Variants in PDXDC1 observed in about 807,000 individuals in gnomAD.
The protein encoded by PDXDC1 is pyridoxal dependent decarboxylase domain containing 1, also known as pyridoxal-dependent decarboxylase domain-containing protein 1.
PDXDC1 carries 42 observed loss-of-function variants against 100.1 expected under a neutral mutation model. That is an observed-to-expected ratio of 0.42 (90% CI 0.33 to 0.54). PDXDC1 has a LOEUF of 0.54. Ranked by LOEUF, PDXDC1 falls within the 20% of genes least tolerant of loss-of-function variation. The pLI, the probability that PDXDC1 is intolerant of heterozygous loss-of-function variation, is 0.10. For missense variants in PDXDC1, 636 were observed against 979.2 expected, an observed-to-expected ratio of 0.65 and a Z score of 4.68; for synonymous variants, 260 against 371.7, an observed-to-expected ratio of 0.70 and a Z score of 3.46.
chr16:14,985,436 C>T (rs538403561), intron 1 of PDXDC1, among the ~76,000 whole-genome samples: 5 of 152,354 alleles, frequency 3.3e-5, no homozygotes, highest in South Asian at 2.1e-4. Flanking sequence ...TACAGGCGCC[C>T]GCCAGCACAC....
intron 16 of PDXDC1, among the ~76,000 whole-genome samples, chr16:15,072,620 T>A (rs2045284478): frequency 6.6e-6 from 1 of 152,102 alleles, no homozygotes; most frequent in Non-Finnish European, 1.5e-5. Flanking sequence ...ATGGCCAACG[T>A]GGCGAAACCC....
chr16:15,141,150 G>A (rs1216063050), downstream of PDXDC1, among the ~76,000 whole-genome samples: 1 of 145,258 alleles, frequency 6.9e-6, no homozygotes, highest in Non-Finnish European at 1.5e-5. Context: ...CTGAGCACCC[G>A]CCCAGCCCTG....
Position 15,046,220 on chromosome 16 carries a change from C to T in PDXDC1, c.1399+16164C>T, listed in dbSNP as rs1597790426. On this transcript the variant is annotated intron_variant, in intron 16 of 16. Transcript: ENST00000535621. Reference sequence around the variant, plus strand: ...AGACCACAGAGGGAGAATTTAGAATCGACCAGTATTGACTAGCAAATCTCT... The same window carrying T: ...AGACCACAGAGGGAGAATTTAGAATTGACCAGTATTGACTAGCAAATCTCT... Among the ~76,000 whole-genome samples, 6 of 152,344 alleles carry T rather than the reference C, an allele frequency of 3.9e-5. No individual in the cohort carries two copies. The South Asian group carries it at 8.3e-4, about 21-fold the overall frequency.
chr16:15,129,674 G>A (rs2151912158), intron 16 of PDXDC1, among the ~76,000 whole-genome samples: 1 of 152,282 alleles, frequency 6.6e-6, no homozygotes, highest in Admixed American at 6.5e-5. Context: ...CTGACTGACT[G>A]GCACCTACTT....
At chr16:15,044,654 G>A (rs1005233031) in intron 16 of PDXDC1, 9 of 550,114 alleles carry the variant, frequency 1.6e-5, no homozygotes, top group South Asian at 4.6e-5. Flanking sequence ...ATGTGATGCC[G>A]CCTCCATGCA....
At chr16:15,099,145 G>A (rs8053308) in intron 16 of PDXDC1, among the ~76,000 whole-genome samples, 6 of 151,552 alleles carry the variant, frequency 4.0e-5, no homozygotes, top group Non-Finnish European at 8.8e-5. Context: ...AATACTGGCC[G>A]GGCCCTGTGG....
Position 15,028,656 on chromosome 16 carries a change from A to G in PDXDC1, c.1205-222A>G, listed in dbSNP as rs568794424. Among the ~76,000 whole-genome samples the G allele has an allele frequency of 3.7e-3, 569 of 152,386 alleles. 1 individual carries two copies. The highest frequency in any genetic ancestry group is 0.013 in the African/African-American group (552 of 41,572). ...CCCTTGAAAGCAAACCTTTTCAAAAATGAAATTAATAATTCTGTCTTATGT... is the reference window on the plus strand; with the variant it reads ...CCCTTGAAAGCAAACCTTTTCAAAAGTGAAATTAATAATTCTGTCTTATGT... On this transcript the variant is annotated intron_variant, in intron 14 of 22. Coordinates refer to ENST00000396410, the MANE Select transcript of PDXDC1 (RefSeq NM_015027.4).
chr16:15,074,789 C>A, intron 16 of PDXDC1: 1 of 1,614,112 alleles, frequency 6.2e-7, no homozygotes, highest in South Asian at 1.1e-5. Context: ...AGGCGCTCGG[C>A]TACAGGATGC....
At chr16:15,089,757 G>T (rs773590001) in intron 16 of PDXDC1, among the ~76,000 whole-genome samples, 1 of 108,922 alleles carries the variant, frequency 9.2e-6, no homozygotes, top group Non-Finnish European at 1.7e-5. Context: ...CCAAGATTGC[G>T]CCACTGCACT....
intron 11 of PDXDC1, 24 bp downstream of exon 11, chr16:15,017,446 G>C: frequency 6.3e-7 from 1 of 1,594,842 alleles, no homozygotes; most frequent in South Asian, 1.1e-5. Context: ...CACTGGGGAG[G>C]GAGTGGGTGT....
In PDXDC1 at chr16:15,034,397, A is replaced by T; in HGVS notation, c.1905+19A>T. 6.2e-7 allele frequency: 1 copy of T among 1,613,532 alleles called. No individual in the cohort carries two copies. The highest frequency in any genetic ancestry group is 8.5e-7 in the Non-Finnish European group (1 of 1,179,854). ...GGAAGAGGTGAGGCCCCCGATGGGCAGCAGGCTGGGGGAGCCGCCGTGAGG... is the reference window on the plus strand; with the variant it reads ...GGAAGAGGTGAGGCCCCCGATGGGCTGCAGGCTGGGGGAGCCGCCGTGAGG... On this transcript the variant is annotated intron_variant, in intron 20 of 22. Transcript: ENST00000396410.
At chr16:15,148,459 C>T in the PDXDC1 span, among the ~76,000 whole-genome samples, 1 of 138,022 alleles carries the variant, frequency 7.2e-6, no homozygotes, top group African/African-American at 2.7e-5. Context: ...TCACAGCTCA[C>T]TGCAGCCTTG....
At chr16:15,085,515 A>C (rs2045881375) in intron 16 of PDXDC1, 6 of 1,312,604 alleles carry the variant, frequency 4.6e-6, no homozygotes, top group Non-Finnish European at 5.3e-6. Context: ...ACAAGGTCTC[A>C]CTATGTTGCC....
chr16:15,019,273 T>A (rs561055033), intron 12 of PDXDC1, among the ~76,000 whole-genome samples: 451 of 152,142 alleles, frequency 3.0e-3, no homozygotes, highest in African/African-American at 0.01. Context: ...GGTGGAGGGG[T>A]GGGGAGCGAG....
chr16:15,115,379 TG>T (rs956684270), intron 16 of PDXDC1, among the ~76,000 whole-genome samples: 1 of 150,856 alleles, frequency 6.6e-6, no homozygotes, highest in African/African-American at 2.4e-5. Flanking sequence ...CCTGAGTAGC[TG>T]GGAGTACAGG....
intron 1 of PDXDC1, among the ~76,000 whole-genome samples, chr16:14,984,495 A>ATATATATATATATATATT (rs1555542734): frequency 5.4e-5 from 4 of 73,488 alleles, no homozygotes; most frequent in Non-Finnish European, 7.2e-5. Flanking sequence ...ATATATATAT[A>ATATATATATATATATATT]TTTTTTTTTT....
intron 16 of PDXDC1, among the ~76,000 whole-genome samples, chr16:15,066,195 A>G (rs2044963188): frequency 6.6e-6 from 1 of 152,156 alleles, no homozygotes; most frequent in Non-Finnish European, 1.5e-5. Flanking sequence ...AGGACACATC[A>G]GCAAAACCAC....
intron 17 of PDXDC1, 90 bp from the exon 18 acceptor site, chr16:15,032,771 G>C: frequency 1.3e-6 from 1 of 796,656 alleles, no homozygotes; most frequent in East Asian, 2.5e-5. Flanking sequence ...CCACTGCATT[G>C]TCTTGCTAAT....
intron 16 of PDXDC1, chr16:15,068,148 A>G (rs761776324): frequency 6.6e-7 from 1 of 1,505,594 alleles, no homozygotes; most frequent in African/African-American, 1.4e-5. Context: ...AACTCCCATC[A>G]AGAAAGCGTA....
Sources: allele counts gnomAD v4.1 joint callset (sites outside exome capture counted in the v4.1 genomes callset), GRCh38; gene constraint gnomAD v4.1.1; transcripts MANE v1.5; gene names NCBI Gene and HGNC (gene_info 2026-07-23, HGNC 2026-07-21).